Variants in LINGO2 observed in about 807,000 individuals in gnomAD.
LINGO2 encodes the protein leucine-rich repeat and immunoglobulin-like domain-containing nogo receptor-interacting protein 2.
A neutral mutation model predicts 30.6 loss-of-function variants in LINGO2; 14 were observed. The ratio of observed to expected loss-of-function variants is 0.46; its 90% CI spans 0.30 to 0.72. The LOEUF is 0.72. LINGO2 is among the 30% of genes least tolerant of loss of function. The pLI is 0.07. For synonymous variants in LINGO2, 317 were observed against 288.5 expected (o/e 1.10, Z -1.00); for missense variants, 729 against 751.7 (o/e 0.97, Z 0.35).
chr9:27,982,557 T>G (rs1300289907), intron 5 of LINGO2, among the ~76,000 whole-genome samples: 1 of 151,866 alleles, frequency 6.6e-6, no homozygotes. Flanking sequence ...GTAGGTTACA[T>G]CCTCATCCCT....
chr9:28,043,085 C>G (rs907171681), intron 4 of LINGO2, among the ~76,000 whole-genome samples: 2 of 152,154 alleles, frequency 1.3e-5, no homozygotes, highest in African/African-American at 4.8e-5. Flanking sequence ...CTGGGCTAAG[C>G]CCCTGGTGTT....
At chr9:28,067,225 G>A (rs919423010) in intron 4 of LINGO2, among the ~76,000 whole-genome samples, 3 of 152,014 alleles carry the variant, frequency 2.0e-5, no homozygotes, top group Non-Finnish European at 4.4e-5. Context: ...TGGGTATCCT[G>A]TGAATCTTAA....
the LINGO2 span, among the ~76,000 whole-genome samples, chr9:29,055,025 C>T: frequency 2.0e-5 from 3 of 152,066 alleles, no homozygotes; most frequent in Admixed American, 1.3e-4. Context: ...TTGAGACCAA[C>T]CTGACCAATT....
chr9:28,584,377 T>C (rs1054463449), intron 1 of LINGO2, among the ~76,000 whole-genome samples: 3 of 152,100 alleles, frequency 2.0e-5, no homozygotes, highest in Non-Finnish European at 2.9e-5. Flanking sequence ...ATACTTTAAT[T>C]CTAAACAAAA....
intron 2 of LINGO2, among the ~76,000 whole-genome samples, chr9:28,392,514 A>G (rs1222087606): frequency 6.6e-6 from 1 of 152,154 alleles, no homozygotes; most frequent in Non-Finnish European, 1.5e-5. Context: ...AGAGACGCAT[A>G]AGGCAAGGTA....
chr9:28,098,056 A>G (rs1042665107), intron 4 of LINGO2, among the ~76,000 whole-genome samples: 15 of 152,240 alleles, frequency 9.9e-5, no homozygotes, highest in Non-Finnish European at 1.0e-4. Flanking sequence ...TGTAATCCCA[A>G]TACTACGGGA....
the LINGO2 span, among the ~76,000 whole-genome samples, chr9:29,110,656 G>C: frequency 1.4e-5 from 2 of 147,748 alleles, no homozygotes; most frequent in Non-Finnish European, 3.0e-5. Context: ...TTAATAGTAG[G>C]TACAGTACAA....
At chr9:28,417,016 T>A (rs1034238776) in intron 2 of LINGO2, among the ~76,000 whole-genome samples, 2 of 152,082 alleles carry the variant, frequency 1.3e-5, no homozygotes, top group Admixed American at 6.6e-5. Context: ...ATCAAGTACA[T>A]AAGTATGTAG....
At chr9:28,842,149 G>C in the LINGO2 span, among the ~76,000 whole-genome samples, 13 of 151,900 alleles carry the variant, frequency 8.6e-5, no homozygotes, top group African/African-American at 3.2e-4. Context: ...AAAAATATTC[G>C]TTCCAACTCT....
chr9:28,081,290 C>CA (rs79994366), intron 4 of LINGO2, among the ~76,000 whole-genome samples: 416 of 129,550 alleles, frequency 3.2e-3, no homozygotes, highest in African/African-American at 6.0e-3. Context: ...ATTCAATACT[C>CA]AAAAAAAAAA....
chr9:28,736,441 G>C, the LINGO2 span, among the ~76,000 whole-genome samples: 214 of 152,242 alleles, frequency 1.4e-3, 2 homozygotes, highest in Non-Finnish European at 8.8e-5. Context: ...AACTCTCTTA[G>C]CTTCGACTTC....
chr9:28,586,881 A>G (rs72715210), intron 1 of LINGO2, among the ~76,000 whole-genome samples: 23,738 of 151,848 alleles, frequency 0.16, 2,270 homozygotes, highest in Admixed American at 0.28. Flanking sequence ...ATTTCTTAAG[A>G]AAAAAAACTA....
the LINGO2 span, among the ~76,000 whole-genome samples, chr9:28,813,703 C>T: frequency 6.6e-6 from 1 of 151,998 alleles, no homozygotes; most frequent in Non-Finnish European, 1.5e-5. Context: ...GTAATAAATG[C>T]TATAAATAAA....
the LINGO2 span, among the ~76,000 whole-genome samples, chr9:28,866,186 T>C: frequency 6.6e-6 from 1 of 152,172 alleles, no homozygotes; most frequent in Non-Finnish European, 1.5e-5. Context: ...CTGGTTGAAC[T>C]AATTTTCCGG....
chr9:28,017,521 T>C (rs1822899684), intron 4 of LINGO2, among the ~76,000 whole-genome samples: 1 of 152,080 alleles, frequency 6.6e-6, no homozygotes. Context: ...TGTACATAAA[T>C]CAGATCATAA....
At chr9:28,984,263 A>G in the LINGO2 span, among the ~76,000 whole-genome samples, 33 of 152,230 alleles carry the variant, frequency 2.2e-4, no homozygotes, top group South Asian at 5.6e-3. Flanking sequence ...TGAAGTTTTC[A>G]TAAAGGTGGA....
intron 1 of LINGO2, among the ~76,000 whole-genome samples, chr9:28,645,363 T>C (rs547244129): frequency 2.3e-4 from 35 of 152,238 alleles, no homozygotes; most frequent in African/African-American, 7.5e-4. Context: ...GAAAATGTTA[T>C]GAAGTGCCTT....
intron 1 of LINGO2, among the ~76,000 whole-genome samples, chr9:28,626,507 C>A (rs1171676553): frequency 6.6e-6 from 1 of 151,944 alleles, no homozygotes; most frequent in Non-Finnish European, 1.5e-5. Context: ...CTCTTATATC[C>A]ACTTTAATTT....
At chr9:28,239,089 T>C (rs1450853928) in intron 4 of LINGO2, among the ~76,000 whole-genome samples, 1 of 151,916 alleles carries the variant, frequency 6.6e-6, no homozygotes, top group African/African-American at 2.4e-5. Context: ...GATTGAATAA[T>C]GAAGAAATGT....
Sources: gnomAD v4.1 joint callset for allele counts (sites outside exome capture counted in the v4.1 genomes callset) on GRCh38, gnomAD v4.1.1 for gene constraint, MANE v1.5 for transcripts, NCBI Gene and HGNC (gene_info 2026-07-23, HGNC 2026-07-21) for gene names.